The following CDCA3 variants were observed in gnomAD, a reference collection of about 807,000 sequenced individuals.
The protein encoded by CDCA3 is cell division cycle associated 3, also known as cell division cycle-associated protein 3.
Under a neutral mutation model 29.1 loss-of-function variants are expected in CDCA3, and 16 were observed. That is an observed-to-expected ratio of 0.55 (90% CI 0.37 to 0.83). The LOEUF is 0.83. CDCA3 is among the 40% of genes least tolerant of loss of function. The pLI is 0.00. For missense variants in CDCA3, 291 were observed against 327.2 expected (o/e 0.89, Z 0.85); for synonymous variants, 88 against 124.5 (o/e 0.71, Z 1.95).
chr12:6,850,157 G>T lies in CDCA3; in HGVS notation c.251-299C>A. 2.1e-6 allele frequency: 1 copy of T among 482,660 alleles called. No homozygotes were observed. The highest frequency in any genetic ancestry group is 3.6e-6 in the Non-Finnish European group (1 of 274,348). 29.9% of individuals were successfully genotyped at this position (482,660 alleles called of 1,614,324 possible). ...TGGGATCACAGGCCCATGCCACCGT[G>T]CTTTTGTGTGTGTGTGTGTGTGTTA... On this transcript the variant is annotated intron_variant, in intron 3 of 5. Transcript: ENST00000538862. The surrounding 1 kb of genome is among the most constrained non-coding windows in gnomAD (Gnocchi z 4.7).
At chr12:6,845,778 G>A (rs1440335140), downstream of CDCA3, 3 of 1,613,788 alleles carry the variant, frequency 1.9e-6, no homozygotes, top group Non-Finnish European at 2.5e-6. Flanking sequence ...CAATGTCTGG[G>A]ACTCCATGAA....
downstream of CDCA3, chr12:6,846,586 C>G (rs1943703952): frequency 2.1e-6 from 1 of 485,074 alleles, no homozygotes; most frequent in Non-Finnish European, 3.7e-6. Flanking sequence ...TCTACCGAGT[C>G]TAGGATCCCT....
chr12:6,845,440 C>T (rs910137086), downstream of CDCA3: 12 of 629,008 alleles, frequency 1.9e-5, no homozygotes, highest in Middle Eastern at 4.2e-4. Context: ...GGCAGGGCTG[C>T]TTCTCACCCC....
Position 6,848,938 on chromosome 12 carries a change from G to C in CDCA3, c.*105C>G. The C allele has an allele frequency of 1.6e-6, 1 of 638,930 alleles. No homozygotes were observed. The highest frequency in any genetic ancestry group is 2.9e-6 in the Non-Finnish European group (1 of 350,128). 39.6% of individuals were successfully genotyped at this position (638,930 alleles called of 1,614,324 possible). ...GTCCCAGTTTGGTAGCTGAGGAGGA[G>C]TCTAAGAAAACAAGCCATTCCTCAG... On this transcript the variant is annotated 3_prime_UTR_variant, in exon 6 of 6. Transcript: ENST00000538862.
chr12:6,845,478 C>A, downstream of CDCA3: 1 of 715,868 alleles, frequency 1.4e-6, no homozygotes, highest in Non-Finnish European at 2.4e-6. Flanking sequence ...GGCAGGGAGG[C>A]TGAGAGCAGC....
rs1943848051 is a variant in CDCA3 at position 6,850,753 on chromosome 12, GAC to G, written c.120+78_120+79del. 1.9e-6 allele frequency: 3 copies of G among 1,581,266 alleles called. No homozygotes were observed. Among genetic ancestry groups the G allele is most frequent in the South Asian group, 2.3e-5 (2 of 87,506 alleles). The stretch of plus-strand genomic sequence containing the variant: ...AAGGCTAGGATAAGGGTGGGGTCAT[GAC>G]GGCTCTCTCAAAATCAGGTTAGGAA... On this transcript the variant is annotated intron_variant, in intron 2 of 5. Transcript: ENST00000538862. The surrounding 1 kb of genome is among the most constrained non-coding windows in gnomAD (Gnocchi z 4.7).
At chr12:6,846,741 C>A, downstream of CDCA3, 1 of 1,069,302 alleles carries the variant, frequency 9.4e-7, no homozygotes, top group Non-Finnish European at 1.4e-6. Flanking sequence ...GCACACACTG[C>A]TTTCCAAATC....
Position 6,849,528 on chromosome 12 carries a change from A to C in CDCA3, c.544+37T>G. 1 of 1,577,772 alleles carries C rather than the reference A, an allele frequency of 6.3e-7. No individual in the cohort carries two copies. Among genetic ancestry groups the C allele is most frequent in the Non-Finnish European group, 8.6e-7 (1 of 1,159,264 alleles). Reference sequence around the variant, plus strand: ...GGACCTTATCCCAAAACATTATCCTAGTTTATCTTCCCTGCATCTTGCCTT... The same window carrying C: ...GGACCTTATCCCAAAACATTATCCTCGTTTATCTTCCCTGCATCTTGCCTT... On this transcript the variant is annotated intron_variant, in intron 4 of 5. Coordinates refer to ENST00000538862, the MANE Select transcript of CDCA3 (RefSeq NM_031299.7). The surrounding 1 kb of genome is among the most constrained non-coding windows in gnomAD (Gnocchi z 5.2).
Position 6,849,755 on chromosome 12 carries a change from T to C in CDCA3, c.354A>G (p.Leu118=). 1 of 1,612,594 alleles carries C rather than the reference T, an allele frequency of 6.2e-7. No individual in the cohort carries two copies. Among genetic ancestry groups the C allele is most frequent in the Non-Finnish European group, 8.5e-7 (1 of 1,179,006 alleles). The stretch of plus-strand genomic sequence containing the variant: ...CCAGAGGCAAGTCCAATTCAGAAGA[T>C]AAAGGTGCCTCTGGGGGCAGAACAG... ...PEPVLPPEAP[L]SSELDLPLGT... Residue 118 remains leucine (L), a synonymous_variant, in exon 4 of 6, where the codon TTA becomes TTG. Coordinates refer to ENST00000538862, the MANE Select transcript of CDCA3 (RefSeq NM_031299.7). This position sits in a 1 kb window ranked among gnomAD's most constrained non-coding sequence, Gnocchi z 5.2.
In CDCA3 at chr12:6,850,063, G is replaced by A. The variant is rs1194911809; in HGVS notation, c.251-205C>T. The A allele has an allele frequency of 1.9e-6, 1 of 521,654 alleles. No homozygotes were observed. The highest frequency in any genetic ancestry group is 1.9e-5 in the African/African-American group (1 of 52,000). 32.3% of individuals were successfully genotyped at this position (521,654 alleles called of 1,614,324 possible). A position where few individuals can be genotyped will look rare whatever the true frequency, so the allele number is the denominator to read the frequency against. Reference sequence around the variant, plus strand: ...CCCCCAGGCTGGAGTGCAGTGGCGTGATCACAGTTCACTGCAGCCTTGACC... The same window carrying A: ...CCCCCAGGCTGGAGTGCAGTGGCGTAATCACAGTTCACTGCAGCCTTGACC... On this transcript the variant is annotated intron_variant, in intron 3 of 5. Transcript: ENST00000538862. This position sits in a 1 kb window ranked among gnomAD's most constrained non-coding sequence, Gnocchi z 4.7.
chr12:6,847,174 C>G (rs906833600), downstream of CDCA3: 21 of 415,222 alleles, frequency 5.1e-5, no homozygotes, highest in Non-Finnish European at 8.5e-5. Context: ...CTCCCCAGCC[C>G]TTTGCAGGCC....
At chr12:6,845,074 G>C (rs1277100675), downstream of CDCA3, 2 of 152,668 alleles carry the variant, frequency 1.3e-5, no homozygotes, top group Non-Finnish European at 2.9e-5. Flanking sequence ...TATCTTTTTC[G>C]TCACCACCTT....
At chr12:6,846,110 G>A, downstream of CDCA3, 1 of 366,060 alleles carries the variant, frequency 2.7e-6, no homozygotes, top group South Asian at 3.6e-5. Context: ...CCCACTGAGA[G>A]GCAAGACAGC....
Position 6,850,158 on chromosome 12 carries a change from C to CTT in CDCA3, c.251-302_251-301dup, listed in dbSNP as rs1943806391. The CTT allele has an allele frequency of 1.5e-5, 7 of 474,000 alleles. No homozygotes were observed. In the South Asian group the frequency reaches 1.7e-4, roughly 11 times the overall value. The allele number at this position is 474,000 out of a possible 1,614,324, so 29.4% of individuals were successfully genotyped here. A position where few individuals can be genotyped will look rare whatever the true frequency, so the allele number is the denominator to read the frequency against. Reference sequence around the variant, plus strand: ...GGGATCACAGGCCCATGCCACCGTGCTTTTGTGTGTGTGTGTGTGTGTTAT... The same window carrying CTT: ...GGGATCACAGGCCCATGCCACCGTGCTTTTTTGTGTGTGTGTGTGTGTGTTAT... On this transcript the variant is annotated intron_variant, in intron 3 of 5. Transcript: ENST00000538862. The surrounding 1 kb of genome is among the most constrained non-coding windows in gnomAD (Gnocchi z 4.7).
In CDCA3 at chr12:6,849,538, C is replaced by T. The variant is rs782409891; in HGVS notation, c.544+27G>A. Reference sequence around the variant, plus strand: ...CCAAAACATTATCCTAGTTTATCTTCCCTGCATCTTGCCTTAGATTCTGTA... The same window carrying T: ...CCAAAACATTATCCTAGTTTATCTTTCCTGCATCTTGCCTTAGATTCTGTA... On this transcript the variant is annotated intron_variant, in intron 4 of 5. Coordinates refer to ENST00000538862, the MANE Select transcript of CDCA3 (RefSeq NM_031299.7). The surrounding 1 kb of genome is among the most constrained non-coding windows in gnomAD (Gnocchi z 5.2). 6 of 1,590,080 alleles carry T rather than the reference C, an allele frequency of 3.8e-6. No homozygotes were observed. The South Asian group carries it at 4.5e-5, about 12-fold the overall frequency.
chr12:6,846,854 G>A (rs782372367), downstream of CDCA3: 43 of 1,600,848 alleles, frequency 2.7e-5, no homozygotes, highest in Middle Eastern at 2.8e-3. Flanking sequence ...CGGGATGGCT[G>A]TGGCCACAGG....
Position 6,849,222 on chromosome 12 carries a change from G to T in CDCA3, c.652-24C>A, listed in dbSNP as rs781814047. 6.8e-6 allele frequency: 11 copies of T among 1,613,430 alleles called. No individual in the cohort carries two copies. Among genetic ancestry groups the T allele is most frequent in the Non-Finnish European group, 6.8e-6 (8 of 1,179,560 alleles). ...CCCTGAAAACGGCAGTGTATGAGTT[G>T]GGGGGAGTTGCTGTTCAGAAGAGGG... is the stretch of plus-strand genomic sequence containing the variant. On this transcript the variant is annotated intron_variant, in intron 5 of 5. Coordinates refer to ENST00000538862, the MANE Select transcript of CDCA3 (RefSeq NM_031299.7). This position sits in a 1 kb window ranked among gnomAD's most constrained non-coding sequence, Gnocchi z 5.2.
downstream of CDCA3, chr12:6,846,832 AG>A: frequency 6.2e-7 from 1 of 1,602,348 alleles, no homozygotes; most frequent in Non-Finnish European, 8.5e-7. Flanking sequence ...GCTGCCTGGG[AG>A]TCACAGCTGA....
Position 6,849,805 on chromosome 12 carries a change from A to C in CDCA3, c.304T>G (p.Ser102Ala). 1.3e-6 allele frequency: 2 copies of C among 1,584,492 alleles called. No individual in the cohort carries two copies. The highest frequency in any genetic ancestry group is 1.7e-6 in the Non-Finnish European group (2 of 1,163,396). Residue 102 changes from serine to alanine, a missense_variant, in exon 4 of 6, where the codon TCT (serine) becomes GCT (alanine). Ser to Ala is a moderately conservative substitution (Grantham distance 99). Transcript: ENST00000538862. The surrounding 1 kb of genome is among the most constrained non-coding windows in gnomAD (Gnocchi z 5.2). ...QLSEVFETED[S>A]KSNLPPEPVL... ...GGCTCTGGGGGAAGATTTGATTTAG[A>C]GTCTTCAGTTTCAAATACTTCACTC...
Sources: gnomAD v4.1 joint callset for allele counts on GRCh38, gnomAD v4.1.1 for gene constraint, Gnocchi (gnomAD v3.1) non-coding constraint, MANE v1.5 for transcripts, NCBI Gene and HGNC (gene_info 2026-07-23, HGNC 2026-07-21) for gene names.